Variants in NRG3 observed in about 807,000 individuals in gnomAD.
NRG3 encodes pro-neuregulin-3, membrane-bound isoform.
In NRG3, 31 loss-of-function variants were observed where a neutral mutation model predicts 66.9. That is an observed-to-expected ratio of 0.46 (90% CI 0.35 to 0.63). The LOEUF is 0.63. Among genes scored for constraint, NRG3 ranks in the 20% least tolerant of loss-of-function variants. NRG3 has a pLI of 0.00. For missense variants in NRG3, 910 were observed against 878.9 expected (o/e 1.04, Z -0.45); for synonymous variants, 393 against 359.4 (o/e 1.09, Z -1.06).
chr10:82,461,249 G>GCCA (rs1019564039), intron 2 of NRG3, among the ~76,000 whole-genome samples: 1 of 144,554 alleles, frequency 6.9e-6, no homozygotes, highest in Non-Finnish European at 1.5e-5. Flanking sequence ...CACCACCACT[G>GCCA]CCACCACCAC....
intron 1 of NRG3, among the ~76,000 whole-genome samples, chr10:82,167,616 A>C (rs888248701): frequency 3.9e-5 from 6 of 152,216 alleles, no homozygotes; most frequent in African/African-American, 7.2e-5. Flanking sequence ...TCCCAATTTC[A>C]TAATTATCTC....
intron 1 of NRG3, among the ~76,000 whole-genome samples, chr10:81,974,824 A>G (rs961299821): frequency 6.6e-6 from 1 of 152,192 alleles, no homozygotes; most frequent in Admixed American, 6.6e-5. Context: ...CAACTTAAGT[A>G]ATTGTTACCA....
chr10:82,728,691 C>G (rs2783418), intron 2 of NRG3, among the ~76,000 whole-genome samples: 142,864 of 152,326 alleles, frequency 0.94, 67,090 homozygotes, highest in East Asian at 1. Flanking sequence ...GTAGAGACAA[C>G]TGAAGGAATC....
intron 4 of NRG3, among the ~76,000 whole-genome samples, chr10:82,881,496 A>G (rs188991196): frequency 3.5e-4 from 53 of 152,306 alleles, no homozygotes; most frequent in African/African-American, 1.2e-3. Context: ...ACCAGAAAAT[A>G]ATCAAGATGT....
intron 2 of NRG3, among the ~76,000 whole-genome samples, chr10:82,460,679 AG>A: frequency 6.6e-6 from 1 of 152,254 alleles, no homozygotes; most frequent in Admixed American, 6.5e-5. Context: ...ATCAGCAGAT[AG>A]GGTCTCTGGC....
intron 3 of NRG3, among the ~76,000 whole-genome samples, chr10:82,785,884 A>C (rs906580671): frequency 1.3e-5 from 2 of 152,216 alleles, no homozygotes; most frequent in East Asian, 3.9e-4. Context: ...TTATATGGCT[A>C]GAAAAACACC....
At chr10:82,204,301 C>A (rs993797230) in intron 1 of NRG3, among the ~76,000 whole-genome samples, 1 of 152,156 alleles carries the variant, frequency 6.6e-6, no homozygotes, top group Admixed American at 6.6e-5. Context: ...TTATACTTAT[C>A]ACAGTCTAAT....
At chr10:82,534,901 A>T (rs1015480193) in intron 2 of NRG3, among the ~76,000 whole-genome samples, 37 of 151,728 alleles carry the variant, frequency 2.4e-4, no homozygotes, top group Admixed American at 2.2e-3. Context: ...AGTGGCTCAC[A>T]CCTGTAATCC....
At chr10:82,229,541 A>G (rs1331497447) in intron 1 of NRG3, among the ~76,000 whole-genome samples, 3 of 152,216 alleles carry the variant, frequency 2.0e-5, no homozygotes. Flanking sequence ...AAAGAGGTTT[A>G]ATTGACTCAC....
intron 1 of NRG3, among the ~76,000 whole-genome samples, chr10:82,349,744 C>T (rs1367952377): frequency 1.3e-5 from 2 of 152,188 alleles, no homozygotes; most frequent in Non-Finnish European, 2.9e-5. Context: ...CCCTCCGAGC[C>T]AGGTGCGGGA....
intron 3 of NRG3, among the ~76,000 whole-genome samples, chr10:82,790,215 G>A (rs2060529613): frequency 6.6e-6 from 1 of 152,086 alleles, no homozygotes; most frequent in South Asian, 2.1e-4. Flanking sequence ...TTAGGGTACT[G>A]TCCAGTGCTT....
chr10:82,980,431 C>T (rs1463995494), intron 8 of NRG3, among the ~76,000 whole-genome samples: 1 of 152,108 alleles, frequency 6.6e-6, no homozygotes, highest in Non-Finnish European at 1.5e-5. Flanking sequence ...AATCACTTCC[C>T]TCACTCAAGC....
intron 2 of NRG3, among the ~76,000 whole-genome samples, chr10:82,515,578 CT>C (rs781321416): frequency 5.9e-5 from 9 of 152,212 alleles, no homozygotes; most frequent in Non-Finnish European, 1.2e-4. Flanking sequence ...GCTTTCAGAT[CT>C]TCTCACATCA....
intron 2 of NRG3, among the ~76,000 whole-genome samples, chr10:82,453,435 A>C (rs2091114059): frequency 6.6e-6 from 1 of 152,152 alleles, no homozygotes; most frequent in African/African-American, 2.4e-5. Context: ...AGGATGATTG[A>C]TTACCCTATC....
chr10:82,014,226 C>T (rs1159980823), intron 1 of NRG3, among the ~76,000 whole-genome samples: 1 of 152,136 alleles, frequency 6.6e-6, no homozygotes, highest in African/African-American at 2.4e-5. Context: ...TGTGCTACTT[C>T]CATAAGCAAG....
chr10:82,657,434 C>A (rs1424973031), intron 2 of NRG3, among the ~76,000 whole-genome samples: 2 of 151,802 alleles, frequency 1.3e-5, no homozygotes, highest in South Asian at 2.1e-4. Flanking sequence ...ATATTATTTT[C>A]AAGTAATTAT....
At chr10:81,885,587 T>C (rs1404731620) in intron 1 of NRG3, among the ~76,000 whole-genome samples, 1 of 152,202 alleles carries the variant, frequency 6.6e-6, no homozygotes. Flanking sequence ...AAAAAAATTC[T>C]CTTTTGGTTA....
At chr10:82,545,783 C>CTTTTTTTTTT (rs1002975772) in intron 2 of NRG3, among the ~76,000 whole-genome samples, 1 of 91,436 alleles carries the variant, frequency 1.1e-5, no homozygotes, top group Non-Finnish European at 2.0e-5. Context: ...AATATCAACT[C>CTTTTTTTTTT]TTTTTTTTTT....
intron 2 of NRG3, 21 bp from the exon 3 acceptor site, chr10:82,738,556 T>C: frequency 6.2e-7 from 1 of 1,607,664 alleles, no homozygotes; most frequent in Non-Finnish European, 8.5e-7. Flanking sequence ...CGTATGTTTG[T>C]CATTTATCCC....
Sources: allele counts gnomAD v4.1 joint callset (sites outside exome capture counted in the v4.1 genomes callset), GRCh38; gene constraint gnomAD v4.1.1; transcripts MANE v1.5; gene names NCBI Gene and HGNC (gene_info 2026-07-23, HGNC 2026-07-21).